Variants in C7orf33 observed in about 807,000 individuals in gnomAD.
C7orf33 encodes uncharacterized protein C7orf33.
C7orf33 carries 15 observed loss-of-function variants against 13.4 expected under a neutral mutation model. That is an observed-to-expected ratio of 1.12 (90% CI 0.75 to 1.72). The LOEUF (loss-of-function observed/expected upper bound fraction) is 1.72, where lower values mean the gene tolerates loss of function less well. C7orf33 is among the 40% of genes most tolerant of loss of function. The pLI is 0.00. For missense variants in C7orf33, 187 were observed against 220.3 expected (o/e 0.85, Z 0.96); for synonymous variants, 73 against 83.2 (o/e 0.88, Z 0.67).
At chr7:148,597,769 G>GTTTTGTTTTA (rs1223566012) in intron 1 of C7orf33, among the ~76,000 whole-genome samples, 3 of 151,260 alleles carry the variant, frequency 2.0e-5, no homozygotes, top group Non-Finnish European at 4.4e-5. Flanking sequence ...GTTTTGTTTT[G>GTTTTGTTTTA]TTTTGAGACG....
chr7:148,594,854 A>G (rs1371421204), intron 1 of C7orf33, among the ~76,000 whole-genome samples: 2 of 152,102 alleles, frequency 1.3e-5, no homozygotes, highest in Admixed American at 1.3e-4. Flanking sequence ...GACAATGTCT[A>G]TGTTAATGTT....
At chr7:148,593,050 AG>A (rs759486923) in intron 1 of C7orf33, among the ~76,000 whole-genome samples, 1 of 152,002 alleles carries the variant, frequency 6.6e-6, no homozygotes, top group Non-Finnish European at 1.5e-5. Flanking sequence ...CATGTTCACC[AG>A]GCTGGTCTTA....
At chr7:148,598,808 AGAGAGAG>A (rs1796380870) in intron 1 of C7orf33, among the ~76,000 whole-genome samples, 1 of 128,238 alleles carries the variant, frequency 7.8e-6, no homozygotes, top group Non-Finnish European at 1.6e-5. Context: ...AGAGAGAGAG[AGAGAGAG>A]AATGAGAATA....
chr7:148,598,060 T>C (rs1796363288), intron 1 of C7orf33, among the ~76,000 whole-genome samples: 1 of 152,204 alleles, frequency 6.6e-6, no homozygotes, highest in African/African-American at 2.4e-5. Context: ...CAGCCTCCCT[T>C]GCGTTTCTTA....
chr7:148,614,412 T>G (rs1275258552), intron 2 of C7orf33, 116 bp downstream of exon 2: 21 of 1,151,166 alleles, frequency 1.8e-5, no homozygotes, highest in Non-Finnish European at 2.5e-5. Context: ...CCTGGATGTT[T>G]CATATTCTCT....
chr7:148,595,475 ATATATTATATATACTATAGATC>A (rs1796322511), intron 1 of C7orf33, among the ~76,000 whole-genome samples: 1 of 125,084 alleles, frequency 8.0e-6, no homozygotes. Flanking sequence ...ATATGCTATT[ATATATTATATATACTATAGATC>A]TATATTATAT....
chr7:148,595,633 CTATATTATATAGATATAATATAG>C lies in C7orf33; in HGVS notation c.204+4505_204+4527del, dbSNP rs1364903054. 4.4e-5 allele frequency among the ~76,000 whole-genome samples: 3 copies of C among 68,446 alleles called. No individual in the cohort carries two copies. In the African/African-American group the frequency reaches 5.3e-4, roughly 12 times the overall value. 44.9% of individuals were successfully genotyped at this position (68,446 alleles called of 152,430 possible). ...TATATATATTATATATAATATACAT[CTATATTATATAGATATAATATAG>C]ATCTATATTATATAGATATAATATA... On this transcript the variant is annotated intron_variant, in intron 1 of 2. Coordinates refer to ENST00000307003, the MANE Select transcript of C7orf33 (RefSeq NM_145304.4).
chr7:148,603,345 CCAGGAGCT>C (rs1303442865), intron 1 of C7orf33, among the ~76,000 whole-genome samples: 1 of 151,910 alleles, frequency 6.6e-6, no homozygotes, highest in Non-Finnish European at 1.5e-5. Context: ...CTTTGGGAGG[CCAGGAGCT>C]CGAGACCAGC....
intron 1 of C7orf33, among the ~76,000 whole-genome samples, chr7:148,613,019 T>A (rs1554449772): frequency 6.6e-6 from 1 of 152,114 alleles, no homozygotes; most frequent in Non-Finnish European, 1.5e-5. Context: ...CTCTTCTAGT[T>A]TTTTGAGAAT....
intron 1 of C7orf33, among the ~76,000 whole-genome samples, chr7:148,593,359 T>C (rs557601751): frequency 6.6e-6 from 1 of 152,310 alleles, no homozygotes; most frequent in South Asian, 2.1e-4. Context: ...GCCTCCTGGA[T>C]TCAAGTAATT....
chr7:148,597,730 A>ATTTGTTTTGTTTTGTTTTGTTTTGT (rs60207753), intron 1 of C7orf33, among the ~76,000 whole-genome samples: 3 of 148,526 alleles, frequency 2.0e-5, no homozygotes, highest in Admixed American at 1.3e-4. Context: ...CTTCCTCTGC[A>ATTTGTTTTGTTTTGTTTTGTTTTGT]TTTGTTTTGT....
intron 2 of C7orf33, among the ~76,000 whole-genome samples, chr7:148,614,699 C>T (rs769910059): frequency 6.6e-6 from 1 of 152,168 alleles, no homozygotes; most frequent in African/African-American, 2.4e-5. Flanking sequence ...TTCGGTCCTA[C>T]GTGAGCCCGT....
chr7:148,610,853 C>T (rs1796529461), intron 1 of C7orf33, among the ~76,000 whole-genome samples: 1 of 152,200 alleles, frequency 6.6e-6, no homozygotes, highest in South Asian at 2.1e-4. Flanking sequence ...AAGTGTCTGA[C>T]TCACCACCTA....
intron 1 of C7orf33, among the ~76,000 whole-genome samples, chr7:148,609,454 A>G (rs753657824): frequency 3.9e-5 from 6 of 152,256 alleles, no homozygotes; most frequent in African/African-American, 9.6e-5. Flanking sequence ...TATTCATAAA[A>G]AGAGAATTTC....
chr7:148,605,818 T>C (rs1796467418), intron 1 of C7orf33, among the ~76,000 whole-genome samples: 1 of 152,222 alleles, frequency 6.6e-6, no homozygotes, highest in South Asian at 2.1e-4. Flanking sequence ...TGTTACAACT[T>C]TATAATGAAC....
At chr7:148,595,348 T>A (rs1228684167) in intron 1 of C7orf33, among the ~76,000 whole-genome samples, 3 of 138,278 alleles carry the variant, frequency 2.2e-5, no homozygotes, top group Non-Finnish European at 4.6e-5. Flanking sequence ...AGATCTATAT[T>A]ATATAGATAT....
intron 1 of C7orf33, among the ~76,000 whole-genome samples, chr7:148,601,545 C>T (rs114069651): frequency 0.037 from 5,631 of 152,118 alleles, 362 homozygotes; most frequent in African/African-American, 0.13. Flanking sequence ...CAGGGTCTCA[C>T]CATGTTGCTC....
chr7:148,606,933 TAC>T (rs112000703), intron 1 of C7orf33, among the ~76,000 whole-genome samples: 9,569 of 139,244 alleles, frequency 0.069, 429 homozygotes, highest in African/African-American at 0.13. Flanking sequence ...AAAAAAAAAA[TAC>T]ACACACACAC....
chr7:148,607,613 T>G (rs760366083), intron 1 of C7orf33, among the ~76,000 whole-genome samples: 2 of 152,148 alleles, frequency 1.3e-5, no homozygotes, highest in Non-Finnish European at 2.9e-5. Context: ...AATAAATGCT[T>G]CCTATCTGAC....
Sources: allele counts gnomAD v4.1 joint callset (sites outside exome capture counted in the v4.1 genomes callset), GRCh38; gene constraint gnomAD v4.1.1; transcripts MANE v1.5; gene names NCBI Gene and HGNC (gene_info 2026-07-23, HGNC 2026-07-21).